ARF4: variants seen among roughly 807,000 people sequenced by gnomAD.
The protein encoded by ARF4 is ADP-ribosylation factor 4.
ARF4 carries 5 observed loss-of-function variants against 24.3 expected under a neutral mutation model. The ratio of observed to expected loss-of-function variants is 0.21; its 90% CI spans 0.11 to 0.43. The LOEUF is 0.43. ARF4 is among the 20% of genes least tolerant of loss of function. ARF4 has a pLI of 1.00. For missense variants in ARF4, 107 were observed against 213.0 expected (o/e 0.50, Z 3.10); for synonymous variants, 62 against 73.5 (o/e 0.84, Z 0.80).
intron 1 of ARF4, among the ~76,000 whole-genome samples, chr3:57,587,016 T>A (rs2070046665): frequency 6.6e-6 from 1 of 151,930 alleles, no homozygotes; most frequent in Admixed American, 6.6e-5. Context: ...GACCTCAGAT[T>A]GTCATTTAAA....
At chr3:57,581,185 T>C (rs2069966483) in intron 3 of ARF4, among the ~76,000 whole-genome samples, 1 of 152,218 alleles carries the variant, frequency 6.6e-6, no homozygotes, top group Admixed American at 6.5e-5. Flanking sequence ...AGAAACATGG[T>C]TAAAGCTATA....
intron 4 of ARF4, among the ~76,000 whole-genome samples, chr3:57,576,094 G>A (rs2069899373): frequency 3.3e-5 from 5 of 151,960 alleles, no homozygotes; most frequent in Non-Finnish European, 7.4e-5. Context: ...ACAACAGTGG[G>A]ACAATAACAC....
chr3:57,582,295 T>C (rs1340666541), intron 3 of ARF4, among the ~76,000 whole-genome samples: 1 of 151,760 alleles, frequency 6.6e-6, no homozygotes, highest in Admixed American at 6.6e-5. Context: ...CATGCTGGAG[T>C]GCAATGGTGT....
At chr3:57,573,074 C>T (rs1297551707) in intron 5 of ARF4, among the ~76,000 whole-genome samples, 15 of 151,772 alleles carry the variant, frequency 9.9e-5, no homozygotes, top group Admixed American at 7.9e-4. Context: ...TGGTGGTGGG[C>T]GCCTGTAGTC....
chr3:57,590,815 T>C (rs1461056707), intron 1 of ARF4, among the ~76,000 whole-genome samples: 2 of 152,024 alleles, frequency 1.3e-5, no homozygotes, highest in Admixed American at 6.6e-5. Flanking sequence ...AGTAGCTGGG[T>C]CTACAGGGGC....
chr3:57,584,332 T>C, intron 2 of ARF4, 52 bp downstream of exon 2: 1 of 1,373,518 alleles, frequency 7.3e-7, no homozygotes, highest in Non-Finnish European at 1.0e-6. Flanking sequence ...AGACTGTATA[T>C]ATTTCACTTT....
At chr3:57,582,241 TCTA>T (rs770912661) in intron 3 of ARF4, among the ~76,000 whole-genome samples, 10 of 152,040 alleles carry the variant, frequency 6.6e-5, no homozygotes, top group Admixed American at 2.0e-4. Flanking sequence ...CCATAAACAT[TCTA>T]CTATTTTTTT....
intron 1 of ARF4, among the ~76,000 whole-genome samples, chr3:57,589,237 C>T (rs551271477): frequency 1.3e-5 from 2 of 152,240 alleles, no homozygotes; most frequent in African/African-American, 4.8e-5. Flanking sequence ...CACTGTGCTT[C>T]AGCCTGGGCA....
intron 1 of ARF4, among the ~76,000 whole-genome samples, chr3:57,594,620 T>C (rs889275470): frequency 5.3e-5 from 8 of 152,236 alleles, no homozygotes; most frequent in African/African-American, 1.9e-4. Flanking sequence ...AACTTCTCCA[T>C]AGTAGTTTGG....
intron 1 of ARF4, among the ~76,000 whole-genome samples, chr3:57,590,321 C>T (rs1210647293): frequency 6.6e-6 from 1 of 150,388 alleles, no homozygotes; most frequent in Non-Finnish European, 1.5e-5. Flanking sequence ...CCTGTCTCTA[C>T]TAAAAAATAC....
chr3:57,574,494 C>T (rs1476531958), intron 5 of ARF4, among the ~76,000 whole-genome samples: 2 of 151,520 alleles, frequency 1.3e-5, no homozygotes, highest in Non-Finnish European at 2.9e-5. Flanking sequence ...TCTGCAGCCT[C>T]CAACTTCTGG....
chr3:57,583,112 A>G (rs2069995882), intron 3 of ARF4, among the ~76,000 whole-genome samples: 1 of 152,250 alleles, frequency 6.6e-6, no homozygotes, highest in African/African-American at 2.4e-5. Flanking sequence ...CAAAATGTCA[A>G]TAGTGCTGTG....
At chr3:57,592,308 G>A (rs572333542) in intron 1 of ARF4, among the ~76,000 whole-genome samples, 2 of 152,158 alleles carry the variant, frequency 1.3e-5, no homozygotes, top group South Asian at 2.1e-4. Context: ...GACCAATATG[G>A]TGAAACCCTC....
chr3:57,590,691 T>C (rs1326392023), intron 1 of ARF4, among the ~76,000 whole-genome samples: 1 of 152,154 alleles, frequency 6.6e-6, no homozygotes, highest in Non-Finnish European at 1.5e-5. Flanking sequence ...TATACATTTG[T>C]TTTTTGAGAC....
intron 1 of ARF4, among the ~76,000 whole-genome samples, chr3:57,585,626 C>T (rs4682004): frequency 0.39 from 58,314 of 151,006 alleles, 12,612 homozygotes; most frequent in South Asian, 0.56. Flanking sequence ...AATAAAAGAC[C>T]CTATCACATT....
intron 5 of ARF4, among the ~76,000 whole-genome samples, chr3:57,574,604 A>C (rs1451713389): frequency 6.6e-6 from 1 of 151,988 alleles, no homozygotes; most frequent in Non-Finnish European, 1.5e-5. Context: ...ATAGGGTTTC[A>C]CTTTGTTGCC....
chr3:57,577,983 G>A (rs536662541), intron 3 of ARF4, among the ~76,000 whole-genome samples: 29 of 152,160 alleles, frequency 1.9e-4, no homozygotes, highest in African/African-American at 6.0e-4. Context: ...AGCCCGAGAC[G>A]GAGGTTGCAG....
chr3:57,577,589 A>C (rs1380587883), intron 3 of ARF4, among the ~76,000 whole-genome samples: 1 of 152,202 alleles, frequency 6.6e-6, no homozygotes, highest in Non-Finnish European at 1.5e-5. Context: ...CAAATCTAAA[A>C]AATTTTTATT....
chr3:57,577,183 G>A, intron 4 of ARF4, 133 bp downstream of exon 4: 1 of 742,406 alleles, frequency 1.3e-6, no homozygotes, highest in South Asian at 1.8e-5. Flanking sequence ...GGATAATATA[G>A]TTTCTTAAGT....
Sources: allele counts gnomAD v4.1 joint callset (sites outside exome capture counted in the v4.1 genomes callset), GRCh38; gene constraint gnomAD v4.1.1; transcripts MANE v1.5; gene names NCBI Gene and HGNC (gene_info 2026-07-23, HGNC 2026-07-21).